ABCB5: variants seen among roughly 807,000 people sequenced by gnomAD.
ABCB5 encodes ATP binding cassette subfamily B member 5, also known as ATP-binding cassette sub-family B member 5.
ABCB5 carries 155 observed loss-of-function variants against 144.2 expected under a neutral mutation model. The observed-to-expected ratio is 1.08, with a 90% CI of 0.94 to 1.23. The LOEUF (loss-of-function observed/expected upper bound fraction) is 1.23. ABCB5 is among the 50% of genes most tolerant of loss of function. The pLI is 0.00. For missense variants in ABCB5, 1,830 were observed against 1,520.8 expected, an observed-to-expected ratio of 1.20 and a Z score of -3.38; for synonymous variants, 610 against 528.6, an observed-to-expected ratio of 1.15 and a Z score of -2.11.
intron 13 of ABCB5, among the ~76,000 whole-genome samples, chr7:20,656,125 CA>C (rs1206553538): frequency 2.0e-5 from 3 of 152,126 alleles, no homozygotes; most frequent in Non-Finnish European, 2.9e-5. Flanking sequence ...TTACATCACA[CA>C]CAAAAATTAA....
intron 1 of ABCB5, among the ~76,000 whole-genome samples, chr7:20,617,206 C>G (rs1783706095): frequency 6.6e-6 from 1 of 152,124 alleles, no homozygotes; most frequent in East Asian, 1.9e-4. Flanking sequence ...GTGCTTAAAA[C>G]AGTACCTGGC....
Position 20,643,380 on chromosome 7 carries a change from G to C in ABCB5, c.506+5G>C. 2.5e-6 allele frequency: 4 copies of C among 1,613,746 alleles called. No homozygotes were observed. The East Asian group carries it at 6.7e-5, about 27-fold the overall frequency. On this transcript the variant is annotated splice_donor_5th_base_variant and intron_variant, in intron 6 of 27. Coordinates refer to ENST00000404938, the MANE Select transcript of ABCB5 (RefSeq NM_001163941.2). The stretch of plus-strand genomic sequence containing the variant: ...ACTTAACACTCGCATGACAGAGTAA[G>C]AGGATGATATTGTAGTACGTTAGCT...
chr7:20,748,617 T>C (rs1782807666), intron 26 of ABCB5, among the ~76,000 whole-genome samples: 1 of 114,620 alleles, frequency 8.7e-6, no homozygotes, highest in Non-Finnish European at 1.6e-5. Flanking sequence ...GCCATTGCAC[T>C]CCAGCCTGGG....
intron 14 of ABCB5, among the ~76,000 whole-genome samples, chr7:20,661,092 C>T (rs2128030919): frequency 6.6e-6 from 1 of 152,304 alleles, no homozygotes; most frequent in East Asian, 1.9e-4. Context: ...ACACAGCAGC[C>T]AAGTGTTGCT....
At chr7:20,683,405 CTAATA>C (rs1294819703) in intron 15 of ABCB5, among the ~76,000 whole-genome samples, 1 of 152,032 alleles carries the variant, frequency 6.6e-6, no homozygotes, top group Non-Finnish European at 1.5e-5. Context: ...TATTTTGAAA[CTAATA>C]TGAGTTGGAA....
At chr7:20,662,734 A>T (rs1441964132) in intron 14 of ABCB5, among the ~76,000 whole-genome samples, 1 of 151,626 alleles carries the variant, frequency 6.6e-6, no homozygotes, top group African/African-American at 2.4e-5. Context: ...GTAGCGCTTG[A>T]TGTTAAATTC....
chr7:20,715,637 T>C (rs1781649691), intron 20 of ABCB5, among the ~76,000 whole-genome samples: 1 of 152,078 alleles, frequency 6.6e-6, no homozygotes, highest in Non-Finnish European at 1.5e-5. Flanking sequence ...CTTGAACTCC[T>C]GGGCTCAAGT....
At chr7:20,629,324 C>T (rs534116157) in intron 4 of ABCB5, among the ~76,000 whole-genome samples, 3 of 152,090 alleles carry the variant, frequency 2.0e-5, no homozygotes, top group Non-Finnish European at 4.4e-5. Flanking sequence ...GCTGACGTTA[C>T]GTAGGAATCA....
intron 14 of ABCB5, among the ~76,000 whole-genome samples, chr7:20,665,822 C>T (rs796717975): frequency 1.1e-4 from 17 of 149,888 alleles, no homozygotes; most frequent in African/African-American, 4.2e-4. Flanking sequence ...TATAGATATA[C>T]AAGCTTCCAG....
chr7:20,685,775 C>T lies in ABCB5; in HGVS notation c.1949C>T (p.Ser650Phe). Residue 650 changes from serine to phenylalanine, a missense_variant, in exon 16 of 28, where the codon TCT (serine) becomes TTT (phenylalanine). By Grantham distance (155) the Ser-to-Phe change is radical. Transcript: ENST00000404938. ...ERKTNSLPLHSVKSIKSDFID... is the reference protein window; with the variant it reads ...ERKTNSLPLHFVKSIKSDFID... ...AAGACCAACTCACTTCCTCTGCACT[C>T]TGTGAAGAGCATCAAGTCAGACTTC... The T allele has an allele frequency of 6.2e-7, 1 of 1,613,192 alleles. No homozygotes were observed. Among genetic ancestry groups the T allele is most frequent in the Non-Finnish European group, 8.5e-7 (1 of 1,179,264 alleles).
intron 14 of ABCB5, among the ~76,000 whole-genome samples, chr7:20,669,093 G>A (rs1785358050): frequency 6.6e-6 from 1 of 151,328 alleles, no homozygotes; most frequent in African/African-American, 2.4e-5. Flanking sequence ...CCCCGTCCGG[G>A]AGGATGGTGG....
intron 23 of ABCB5, among the ~76,000 whole-genome samples, chr7:20,733,442 T>C (rs2128052934): frequency 6.6e-6 from 1 of 152,134 alleles, no homozygotes; most frequent in Non-Finnish European, 1.5e-5. Context: ...TTCTTTTAAT[T>C]AAATTCATTA....
At chr7:20,694,397 C>A (rs1022952351) in intron 16 of ABCB5, among the ~76,000 whole-genome samples, 1 of 151,842 alleles carries the variant, frequency 6.6e-6, no homozygotes, top group African/African-American at 2.4e-5. Context: ...ATGCAGAAAA[C>A]CCATTTGATA....
At chr7:20,626,753 C>T (rs556773827) in intron 3 of ABCB5, 142 bp downstream of exon 3, 148 of 673,958 alleles carry the variant, frequency 2.2e-4, no homozygotes, top group Non-Finnish European at 2.3e-4. Context: ...GTATGATTTT[C>T]GATAGAAAAA....
rs1021139425 is a variant in ABCB5, at chr7:20,707,072, T to G, written c.2421+2265T>G. 3.9e-5 allele frequency among the ~76,000 whole-genome samples: 6 copies of G among 152,326 alleles called. No homozygotes were observed. In the East Asian group the frequency reaches 1.2e-3, roughly 29 times the overall value. Reference sequence around the variant, plus strand: ...TCACAAGGACACTGTAGCATAAAGATGAGCTAGGAAATAATAATTTGGGGG... The same window carrying G: ...TCACAAGGACACTGTAGCATAAAGAGGAGCTAGGAAATAATAATTTGGGGG... On this transcript the variant is annotated intron_variant, in intron 20 of 27. Coordinates refer to ENST00000404938, the MANE Select transcript of ABCB5 (RefSeq NM_001163941.2).
At chr7:20,693,140 TA>T (rs892431314) in intron 16 of ABCB5, among the ~76,000 whole-genome samples, 15 of 152,086 alleles carry the variant, frequency 9.9e-5, no homozygotes, top group Admixed American at 4.6e-4. Flanking sequence ...CAAGTCTCAA[TA>T]AACTTTTAAA....
intron 14 of ABCB5, 147 bp downstream of exon 14, chr7:20,658,823 G>A (rs768204856): frequency 1.2e-5 from 13 of 1,078,864 alleles, no homozygotes; most frequent in Middle Eastern, 2.1e-4. Context: ...GAGAACTTAC[G>A]TGATGGCTAT....
chr7:20,745,438 G>A lies in ABCB5; in HGVS notation c.3429G>A (p.Glu1143=). 6.2e-7 allele frequency: 1 copy of A among 1,613,906 alleles called. No individual in the cohort carries two copies. Among genetic ancestry groups the A allele is most frequent in the Non-Finnish European group, 8.5e-7 (1 of 1,179,946 alleles). ...ATTCTTTTATTGAAGGTCTCCCTGAGGTAAGAAAATTTCTGAAATCTTGAA... is the reference window on the plus strand; with the variant it reads ...ATTCTTTTATTGAAGGTCTCCCTGAAGTAAGAAAATTTCTGAAATCTTGAA... ...NIHSFIEGLP[E]KYNTQVGLKG... is the part of the protein sequence containing the mutation. The change falls in exon 26 of 28, where the codon GAG becomes GAA. Residue 1143 remains glutamate, a splice_region_variant and synonymous_variant. Coordinates refer to ENST00000404938, the MANE Select transcript of ABCB5 (RefSeq NM_001163941.2).
intron 14 of ABCB5, among the ~76,000 whole-genome samples, chr7:20,675,368 A>T (rs939408837): frequency 4.1e-5 from 6 of 146,960 alleles, no homozygotes; most frequent in Non-Finnish European, 8.8e-5. Context: ...ACCTTTGACA[A>T]GGGTGCAAAG....
Sources: gnomAD v4.1 joint callset for allele counts (sites outside exome capture counted in the v4.1 genomes callset) on GRCh38, gnomAD v4.1.1 for gene constraint, MANE v1.5 for transcripts, NCBI Gene and HGNC (gene_info 2026-07-23, HGNC 2026-07-21) for gene names.